The following AZIN2 variants were observed in gnomAD, a reference collection of about 807,000 sequenced individuals.
The protein encoded by AZIN2 is ODC antizyme inhibitor-2.
A neutral mutation model predicts 47.8 loss-of-function variants in AZIN2; 28 were observed. That is an observed-to-expected ratio of 0.59 (90% CI 0.43 to 0.80). The LOEUF (loss-of-function observed/expected upper bound fraction) is 0.80, where lower values mean the gene tolerates loss of function less well. Ranked by LOEUF, AZIN2 falls within the 30% of genes least tolerant of loss-of-function variation. AZIN2 has a pLI of 0.00. For missense variants in AZIN2, 535 were observed against 582.5 expected (o/e 0.92, Z 0.84); for synonymous variants, 221 against 239.4 (o/e 0.92, Z 0.71).
intron 9 of AZIN2, 72 bp from the exon 10 acceptor site, chr1:33,097,995 C>CTGT (rs1643333596): frequency 8.9e-7 from 1 of 1,129,384 alleles, no homozygotes; most frequent in African/African-American, 1.5e-5. Context: ...ACTGAGCCCA[C>CTGT]TGTTGTGTCA....
chr1:33,100,957 G>A (rs1643637250), intron 10 of AZIN2, among the ~76,000 whole-genome samples: 3 of 152,010 alleles, frequency 2.0e-5, no homozygotes, highest in South Asian at 4.1e-4. Context: ...TGCCTCCTAG[G>A]TTCAAGCTTC....
intron 10 of AZIN2, among the ~76,000 whole-genome samples, chr1:33,098,645 C>G (rs1570046516): frequency 6.6e-6 from 1 of 152,346 alleles, no homozygotes; most frequent in South Asian, 2.1e-4. Flanking sequence ...ATAAAACATT[C>G]CTCCTAGCCT....
chr1:33,082,156 T>A, intron 3 of AZIN2, 22 bp from the exon 4 acceptor site: 1 of 1,086,484 alleles, frequency 9.2e-7, no homozygotes, highest in Non-Finnish European at 1.4e-6. Flanking sequence ...AGCGGTTCCC[T>A]TCATCTCCCC....
the AZIN2 span, chr1:33,158,235 T>C: frequency 6.2e-7 from 1 of 1,608,492 alleles, no homozygotes; most frequent in African/African-American, 1.3e-5. Context: ...CTCTGGACCA[T>C]GATAACCCAT....
the AZIN2 span, among the ~76,000 whole-genome samples, chr1:33,144,837 G>A: frequency 6.6e-6 from 1 of 152,198 alleles, no homozygotes; most frequent in African/African-American, 2.4e-5. Context: ...TTGGGTCAGA[G>A]CCAGCCCAGA....
chr1:33,138,172 G>A, the AZIN2 span, among the ~76,000 whole-genome samples: 2 of 152,136 alleles, frequency 1.3e-5, no homozygotes, highest in African/African-American at 4.8e-5. Flanking sequence ...GAGCGTTCTG[G>A]GCATCTGCTG....
At chr1:33,110,631 G>A (rs767386478) in intron 10 of AZIN2, among the ~76,000 whole-genome samples, 2 of 152,140 alleles carry the variant, frequency 1.3e-5, no homozygotes, top group Non-Finnish European at 2.9e-5. Flanking sequence ...AGAGACAACA[G>A]AAGAGAGAAT....
intron 10 of AZIN2, among the ~76,000 whole-genome samples, chr1:33,100,320 CAAA>C (rs58751120): frequency 2.6e-5 from 2 of 76,092 alleles, no homozygotes; most frequent in Non-Finnish European, 2.9e-5. Flanking sequence ...GACTCTGTCT[CAAA>C]AAAAAAAAAA....
chr1:33,158,424 C>A, the AZIN2 span: 1 of 1,499,762 alleles, frequency 6.7e-7, no homozygotes, highest in Non-Finnish European at 9.3e-7. Context: ...TGCCCCAATG[C>A]CAGGGGCCCC....
At chr1:33,159,907 G>T in the AZIN2 span, 1 of 1,608,768 alleles carries the variant, frequency 6.2e-7, no homozygotes, top group East Asian at 2.2e-5. This position sits in a 1 kb window ranked among gnomAD's most constrained non-coding sequence, Gnocchi z 4.2. Context: ...CCGCTCGAAG[G>T]CCTCGCCGAT....
intron 10 of AZIN2, among the ~76,000 whole-genome samples, chr1:33,111,749 A>G (rs1644298843): frequency 6.6e-6 from 1 of 151,770 alleles, no homozygotes; most frequent in African/African-American, 2.4e-5. Context: ...TTACAGGCAC[A>G]CGCCACCGTG....
intron 10 of AZIN2, among the ~76,000 whole-genome samples, chr1:33,109,633 T>C (rs1043884675): frequency 2.0e-5 from 3 of 152,122 alleles, no homozygotes; most frequent in African/African-American, 7.2e-5. Context: ...CTGGTGAATA[T>C]TGTCTTTTGC....
chr1:33,120,266 C>T lies in AZIN2; in HGVS notation c.*84C>T, dbSNP rs867725602. Reference sequence around the variant, plus strand: ...GTGGGGAAGATGGCAGGCAAGGGTACCCTTGGCCAGGACTCTGGTGCCCAC... The same window carrying T: ...GTGGGGAAGATGGCAGGCAAGGGTATCCTTGGCCAGGACTCTGGTGCCCAC... On this transcript the variant is annotated 3_prime_UTR_variant, in exon 12 of 12. Transcript: ENST00000294517. 3 of 1,526,242 alleles carry T rather than the reference C, an allele frequency of 2.0e-6. No individual in the cohort carries two copies. The highest frequency in any genetic ancestry group is 1.9e-5 in the Admixed American group (1 of 52,352). 94.5% of individuals were successfully genotyped at this position (1,526,242 alleles called of 1,614,324 possible).
the AZIN2 span, chr1:33,143,225 T>C: frequency 8.5e-5 from 13 of 152,326 alleles, no homozygotes; most frequent in African/African-American, 2.9e-4. Context: ...CAGTTGATAA[T>C]GCAAATTTGG....
chr1:33,153,084 G>A, the AZIN2 span, among the ~76,000 whole-genome samples: 21 of 152,278 alleles, frequency 1.4e-4, no homozygotes, highest in African/African-American at 4.8e-4. Flanking sequence ...GCAGGGGAGT[G>A]ACAGGTGCTG....
downstream of AZIN2, among the ~76,000 whole-genome samples, chr1:33,127,926 C>T (rs1007464172): frequency 2.6e-5 from 4 of 152,136 alleles, no homozygotes; most frequent in Non-Finnish European, 4.4e-5. Context: ...AGGACTCCTA[C>T]CCTCCACTGC....
intron 5 of AZIN2, among the ~76,000 whole-genome samples, chr1:33,085,961 C>T (rs1457786480): frequency 6.6e-6 from 1 of 152,158 alleles, no homozygotes; most frequent in African/African-American, 2.4e-5. Context: ...TCCTTTCAGT[C>T]CCCGAGGTCT....
intron 5 of AZIN2, among the ~76,000 whole-genome samples, chr1:33,087,515 C>T (rs1405552169): frequency 6.6e-6 from 1 of 151,906 alleles, no homozygotes; most frequent in Non-Finnish European, 1.5e-5. Flanking sequence ...CAGTTCACTG[C>T]AACCTCTGCC....
intron 10 of AZIN2, among the ~76,000 whole-genome samples, chr1:33,107,123 A>G (rs1030618365): frequency 6.6e-6 from 1 of 150,538 alleles, no homozygotes; most frequent in African/African-American, 2.5e-5. Context: ...CCTGTCTACT[A>G]GAGATACAAA....
Sources: allele counts gnomAD v4.1 joint callset (sites outside exome capture counted in the v4.1 genomes callset), GRCh38; gene constraint gnomAD v4.1.1; non-coding constraint Gnocchi (gnomAD v3.1); transcripts MANE v1.5; gene names NCBI Gene and HGNC (gene_info 2026-07-23, HGNC 2026-07-21).